Variants in CACNA1B observed in about 807,000 individuals in gnomAD.
The protein encoded by CACNA1B is calcium voltage-gated channel subunit alpha1 B, also known as voltage-dependent N-type calcium channel subunit alpha-1B.
A neutral mutation model predicts 247.2 loss-of-function variants in CACNA1B; 70 were observed. The ratio of observed to expected loss-of-function variants is 0.28; its 90% CI spans 0.23 to 0.35. The LOEUF (loss-of-function observed/expected upper bound fraction) is 0.35. Ranked by LOEUF, CACNA1B falls within the 10% of genes least tolerant of loss-of-function variation. CACNA1B has a pLI of 1.00. For missense variants in CACNA1B, 2,367 were observed against 3,197.4 expected (o/e 0.74, Z 6.26); for synonymous variants, 1,231 against 1,294.4 (o/e 0.95, Z 1.05).
At chr9:138,038,178 T>C (rs2133460270) in intron 20 of CACNA1B, among the ~76,000 whole-genome samples, 1 of 152,368 alleles carries the variant, frequency 6.6e-6, no homozygotes, top group Non-Finnish European at 1.5e-5. Flanking sequence ...TTGACGTATT[T>C]CAGTTCTTTG....
At position 138,050,119 on chromosome 9, in the gene CACNA1B, G is replaced by T; in HGVS notation, c.3710+804G>T. ...CTTCTCTCCCCCACACGCTGCCCCT[G>T]ACATCACAGCATTCCAGCAGCCCCT... On this transcript the variant is annotated intron_variant, in intron 24 of 46. Transcript: ENST00000371372. The surrounding 1 kb of genome is among the most constrained non-coding windows in gnomAD (Gnocchi z 5.2). The T allele has an allele frequency of 7.8e-7, 1 of 1,283,930 alleles. No individual in the cohort carries two copies. The highest frequency in any genetic ancestry group is 2.3e-5 in the Admixed American group (1 of 43,560). 79.5% of individuals were successfully genotyped at this position (1,283,930 alleles called of 1,614,324 possible).
At position 138,073,428 on chromosome 9, in the gene CACNA1B, G is replaced by A; in HGVS notation, c.4675-60G>A. 1 of 993,024 alleles carries A rather than the reference G, an allele frequency of 1.0e-6. No individual in the cohort carries two copies. The highest frequency in any genetic ancestry group is 1.6e-6 in the Non-Finnish European group (1 of 618,268). 61.5% of individuals were successfully genotyped at this position (993,024 alleles called of 1,614,324 possible). ...TGTGGGAAGAGGTTGTAGGGTGGCA[G>A]CAGCTTGCCTGCGCTTTCGGGGCTT... is the stretch of plus-strand genomic sequence containing the variant. On this transcript the variant is annotated intron_variant, in intron 32 of 46. Transcript: ENST00000371372. This position sits in a 1 kb window ranked among gnomAD's most constrained non-coding sequence, Gnocchi z 6.4.
Position 138,121,999 on chromosome 9 carries a change from G to A in CACNA1B, c.7020G>A (p.Ter2340=), listed in dbSNP as rs200533477. 7.1e-5 allele frequency: 114 copies of A among 1,595,406 alleles called. No individual in the cohort carries two copies. The highest frequency in any genetic ancestry group is 8.8e-5 in the Non-Finnish European group (103 of 1,177,090). The change falls in exon 47 of 47, where the codon TAG becomes TAA. Residue 2340 remains the stop codon, a stop_retained_variant. Coordinates refer to ENST00000371372, the MANE Select transcript of CACNA1B (RefSeq NM_000718.4). This position sits in a 1 kb window ranked among gnomAD's most constrained non-coding sequence, Gnocchi z 6.8. ...ACCCTGACCAAGACCACTGGTGCTA[G>A]CTGCACCGTGACCGCTCAGACGCCT... ...YHHPDQDHWC[*]
At position 137,956,752 on chromosome 9, in the gene CACNA1B, G is replaced by T; in HGVS notation, c.1187-19G>T. The T allele has an allele frequency of 6.2e-7, 1 of 1,613,040 alleles. No individual in the cohort carries two copies. The highest frequency in any genetic ancestry group is 1.1e-5 in the South Asian group (1 of 91,024). On this transcript the variant is annotated intron_variant, in intron 8 of 46. Coordinates refer to ENST00000371372, the MANE Select transcript of CACNA1B (RefSeq NM_000718.4). ...TGGGGTCAGGAGGGCTCTGACCTGA[G>T]GCTGTGTTCCCCTCGCAGAGGAAGT...
rs529892924 is a variant in CACNA1B, at chr9:138,028,118, G to C, written c.3286+2946G>C. On this transcript the variant is annotated intron_variant, in intron 20 of 46. Coordinates refer to ENST00000371372, the MANE Select transcript of CACNA1B (RefSeq NM_000718.4). The stretch of plus-strand genomic sequence containing the variant: ...GCACGGTCTCGGCTCTGCCTCCCAG[G>C]TTCAAGCAATTCTCCTTCCTCAGCC... Among the ~76,000 whole-genome samples the C allele has an allele frequency of 2.0e-5, 3 of 147,346 alleles. No individual in the cohort carries two copies. In the East Asian group the frequency reaches 6.1e-4, roughly 30 times the overall value.
chr9:137,890,523 C>G (rs1417493760), intron 3 of CACNA1B: 1 of 150,352 alleles, frequency 6.7e-6, no homozygotes, highest in African/African-American at 2.4e-5. Flanking sequence ...AGCCAGGGCC[C>G]TTCCCCCCAG....
Position 138,043,880 on chromosome 9 carries a change from C to T in CACNA1B, c.3393C>T (p.Phe1131=), listed in dbSNP as rs1376922058. ...CTATCGTCCCATACAGCTCCATGTT[C>T]TGTTTAAGCCCCACCAACCTGTGAG... ...PRPIVPYSSM[F]CLSPTNLLRR... is the part of the protein sequence containing the mutation. Residue 1131 remains phenylalanine, a synonymous_variant, in exon 21 of 47, where the codon TTC becomes TTT. Transcript: ENST00000371372. 1.2e-6 allele frequency: 2 copies of T among 1,613,692 alleles called. No homozygotes were observed. Among genetic ancestry groups the T allele is most frequent in the Non-Finnish European group, 1.7e-6 (2 of 1,179,730 alleles).
chr9:138,106,449 A>G (rs1961430589), intron 39 of CACNA1B, among the ~76,000 whole-genome samples: 2 of 152,176 alleles, frequency 1.3e-5, no homozygotes, highest in Admixed American at 6.5e-5. Flanking sequence ...TTGTGTCAGC[A>G]TATAAACACC....
rs528587868 is a variant in CACNA1B, at chr9:138,072,942, C to T, written c.4675-546C>T. 6.6e-5 allele frequency among the ~76,000 whole-genome samples: 10 copies of T among 152,360 alleles called. No individual in the cohort carries two copies. The highest frequency in any genetic ancestry group is 1.3e-4 in the Non-Finnish European group (9 of 68,040). On this transcript the variant is annotated intron_variant, in intron 32 of 46. Transcript: ENST00000371372. The surrounding 1 kb of genome is among the most constrained non-coding windows in gnomAD (Gnocchi z 4.5). ...ACTTGTCTGCACACGCCTGGAGCAGCCTCAGAGGAAGTGTTTGCCCCTCTG... is the reference window on the plus strand; with the variant it reads ...ACTTGTCTGCACACGCCTGGAGCAGTCTCAGAGGAAGTGTTTGCCCCTCTG...
chr9:138,117,449 C>T (rs1961913662), intron 42 of CACNA1B, among the ~76,000 whole-genome samples: 1 of 152,216 alleles, frequency 6.6e-6, no homozygotes, highest in African/African-American at 2.4e-5. Context: ...AGCCTGTCCT[C>T]TCCATGACAG....
rs1961982772 is a variant in CACNA1B at position 138,119,119 on chromosome 9, G to A, written c.6030+351G>A. On this transcript the variant is annotated intron_variant, in intron 44 of 46. Coordinates refer to ENST00000371372, the MANE Select transcript of CACNA1B (RefSeq NM_000718.4). ...CCTCCTTTCCGGGGCTCTACTCCCTGAGACAACCCCCACTCTCATCCAGAA... is the reference window on the plus strand; with the variant it reads ...CCTCCTTTCCGGGGCTCTACTCCCTAAGACAACCCCCACTCTCATCCAGAA... Among the ~76,000 whole-genome samples, 4 of 152,196 alleles carry A rather than the reference G, an allele frequency of 2.6e-5. No individual in the cohort carries two copies. In the South Asian group the frequency reaches 8.3e-4, roughly 32 times the overall value.
At position 138,123,244 on chromosome 9, in the gene CACNA1B, A is replaced by G. The variant is rs758806724; in HGVS notation, c.*1245A>G. On this transcript the variant is annotated 3_prime_UTR_variant, in exon 47 of 47. Coordinates refer to ENST00000371372, the MANE Select transcript of CACNA1B (RefSeq NM_000718.4). Reference sequence around the variant, plus strand: ...GGAAGCCCCAGCTGGAATGAAACTCAGAGCAAGTGACCGAGGGAGGACACG... The same window carrying G: ...GGAAGCCCCAGCTGGAATGAAACTCGGAGCAAGTGACCGAGGGAGGACACG... The G allele has an allele frequency of 6.6e-6, 1 of 152,280 alleles. No individual in the cohort carries two copies. The highest frequency in any genetic ancestry group is 1.5e-5 in the Non-Finnish European group (1 of 68,074). 9.4% of individuals were successfully genotyped at this position (152,280 alleles called of 1,614,324 possible). A position where few individuals can be genotyped will look rare whatever the true frequency, so the allele number is the denominator to read the frequency against.
rs1311822945 is a variant in CACNA1B at position 138,023,004 on chromosome 9, C to T, written c.2268-7C>T. 2.7e-6 allele frequency: 4 copies of T among 1,494,238 alleles called. No individual in the cohort carries two copies. The African/African-American group carries it at 4.3e-5, about 16-fold the overall frequency. 92.6% of individuals were successfully genotyped at this position (1,494,238 alleles called of 1,614,324 possible). On this transcript the variant is annotated splice_polypyrimidine_tract_variant and splice_region_variant and intron_variant, in intron 18 of 46. Transcript: ENST00000371372. ...CGGGGCCGCGCTCACCGCCAGTCTC[C>T]CCGCAGCAGGCAGCAGAACTCGGCC...
In CACNA1B at chr9:138,052,262, G is replaced by GTGTGTGTGTGTT; in HGVS notation, c.3807+75_3807+76insGTGTGTGTGTTT. 1.2e-6 allele frequency: 1 copy of GTGTGTGTGTGTT among 801,384 alleles called. No individual in the cohort carries two copies. The highest frequency in any genetic ancestry group is 1.7e-5 in the African/African-American group (1 of 58,728). The allele number at this position is 801,384 out of a possible 1,614,324, so 49.6% of individuals were successfully genotyped here. On this transcript the variant is annotated intron_variant, in intron 25 of 46. Coordinates refer to ENST00000371372, the MANE Select transcript of CACNA1B (RefSeq NM_000718.4). The surrounding 1 kb of genome is among the most constrained non-coding windows in gnomAD (Gnocchi z 5.1). ...TGTGTGTGTGTGCGTGTGTGTGTGT[G>GTGTGTGTGTGTT]TATGCATGCAGTGCATGAGTGTGTG...
chr9:138,048,083 A>G (rs921900703), intron 23 of CACNA1B, among the ~76,000 whole-genome samples: 1 of 152,220 alleles, frequency 6.6e-6, no homozygotes, highest in African/African-American at 2.4e-5. Context: ...GCATGCGTGC[A>G]CACAGGACAG....
At chr9:138,079,450 A>AC (rs923647211) in intron 36 of CACNA1B, among the ~76,000 whole-genome samples, 1 of 152,080 alleles carries the variant, frequency 6.6e-6, no homozygotes, top group Non-Finnish European at 1.5e-5. Context: ...ATGACCAAGA[A>AC]TTGTTAACTG....
chr9:137,947,770 C>T (rs1957813633), intron 6 of CACNA1B, among the ~76,000 whole-genome samples: 1 of 152,020 alleles, frequency 6.6e-6, no homozygotes, highest in Non-Finnish European at 1.5e-5. Context: ...CCACTTCCTT[C>T]TGGCCTCCAT....
At chr9:137,897,172 A>G (rs1312335640) in intron 3 of CACNA1B, among the ~76,000 whole-genome samples, 1 of 151,148 alleles carries the variant, frequency 6.6e-6, no homozygotes, top group Non-Finnish European at 1.5e-5. Flanking sequence ...TACTTCCTTC[A>G]TTCTGTTTGA....
chr9:138,062,313 A>C (rs959465668), intron 31 of CACNA1B, among the ~76,000 whole-genome samples: 4 of 152,192 alleles, frequency 2.6e-5, no homozygotes, highest in African/African-American at 7.2e-5. Flanking sequence ...TATACCAAGC[A>C]ACCCATCCAC....
Sources: gnomAD v4.1 joint callset for allele counts (sites outside exome capture counted in the v4.1 genomes callset) on GRCh38, gnomAD v4.1.1 for gene constraint, Gnocchi (gnomAD v3.1) non-coding constraint, MANE v1.5 for transcripts, NCBI Gene and HGNC (gene_info 2026-07-23, HGNC 2026-07-21) for gene names.